Variants in NKAIN3 observed in about 807,000 individuals in gnomAD.
NKAIN3 encodes sodium/potassium-transporting ATPase subunit beta-1-interacting protein 3.
A neutral mutation model predicts 30.2 loss-of-function variants in NKAIN3; 25 were observed. The ratio of observed to expected loss-of-function variants is 0.83; its 90% CI spans 0.60 to 1.16. NKAIN3 has a LOEUF of 1.16. NKAIN3 is among the 50% of genes most tolerant of loss of function. The pLI, the probability that NKAIN3 is intolerant of heterozygous loss-of-function variation, is 0.00. For missense variants in NKAIN3, 225 were observed against 254.1 expected (o/e 0.89, Z 0.78); for synonymous variants, 91 against 89.6 (o/e 1.02, Z -0.09).
chr8:62,262,889 T>C (rs964686383), intron 1 of NKAIN3, among the ~76,000 whole-genome samples: 1 of 152,200 alleles, frequency 6.6e-6, no homozygotes, highest in African/African-American at 2.4e-5. Flanking sequence ...CTACTAATGA[T>C]ACATTTATTA....
chr8:62,915,890 A>C (rs1397491181), intron 4 of NKAIN3, among the ~76,000 whole-genome samples: 1 of 152,236 alleles, frequency 6.6e-6, no homozygotes, highest in Non-Finnish European at 1.5e-5. Flanking sequence ...ATAAATGAGC[A>C]AAAAACCTCT....
intron 1 of NKAIN3, among the ~76,000 whole-genome samples, chr8:62,322,525 C>T (rs1166130161): frequency 6.6e-6 from 1 of 152,128 alleles, no homozygotes; most frequent in African/African-American, 2.4e-5. Context: ...GTATATAATG[C>T]AGTATTCCAA....
intron 1 of NKAIN3, among the ~76,000 whole-genome samples, chr8:62,470,661 A>G (rs1198171649): frequency 6.6e-6 from 1 of 152,140 alleles, no homozygotes; most frequent in Non-Finnish European, 1.5e-5. Context: ...GAAAATACTG[A>G]AACATTGTTT....
Position 62,293,277 on chromosome 8 carries a change from C to G in NKAIN3, c.54+44150C>G, listed in dbSNP as rs894436199. On this transcript the variant is annotated intron_variant, in intron 1 of 6. Coordinates refer to ENST00000623646, the MANE Select transcript of NKAIN3 (RefSeq NM_001304533.3). ...CCGTCCAGCTTTGTTCCGTTGCTGG[C>G]GAGGAGCTGCGTTCCTTTGGAGGAG... Among the ~76,000 whole-genome samples the G allele has an allele frequency of 2.6e-5, 4 of 152,196 alleles. No individual in the cohort carries two copies. In the East Asian group the frequency reaches 7.7e-4, roughly 29 times the overall value.
chr8:62,383,956 C>G (rs1398410789), intron 1 of NKAIN3, among the ~76,000 whole-genome samples: 1 of 151,674 alleles, frequency 6.6e-6, no homozygotes, highest in African/African-American at 2.4e-5. Context: ...CATCTGCAAT[C>G]CTGAATCTAT....
chr8:62,954,258 A>G (rs1417104255), intron 6 of NKAIN3, among the ~76,000 whole-genome samples: 2 of 152,152 alleles, frequency 1.3e-5, no homozygotes, highest in African/African-American at 4.8e-5. Context: ...TTTAATCTGC[A>G]GAAGTAAAGA....
At chr8:62,345,350 T>C (rs1182968964) in intron 1 of NKAIN3, among the ~76,000 whole-genome samples, 1 of 12,204 alleles carries the variant, frequency 8.2e-5, no homozygotes, top group African/African-American at 1.4e-4. Flanking sequence ...TATACACACA[T>C]ATACACATAT....
chr8:62,351,457 G>A (rs1389296758), intron 1 of NKAIN3, among the ~76,000 whole-genome samples: 7 of 149,414 alleles, frequency 4.7e-5, no homozygotes, highest in Non-Finnish European at 4.4e-5. Context: ...TCACAGATGT[G>A]GAACCTGTAG....
At chr8:62,741,115 G>A (rs549701713) in intron 3 of NKAIN3, among the ~76,000 whole-genome samples, 26 of 151,524 alleles carry the variant, frequency 1.7e-4, no homozygotes, top group African/African-American at 4.6e-4. Context: ...TCTTGGAATT[G>A]CATTTTGTAA....
At chr8:62,920,903 T>C (rs935293656) in intron 5 of NKAIN3, among the ~76,000 whole-genome samples, 5 of 152,176 alleles carry the variant, frequency 3.3e-5, no homozygotes, top group Non-Finnish European at 7.4e-5. Context: ...AAATATTTGA[T>C]AGTTCTCAAA....
intron 1 of NKAIN3, among the ~76,000 whole-genome samples, chr8:62,272,589 C>T (rs1812812698): frequency 6.6e-6 from 1 of 152,118 alleles, no homozygotes; most frequent in African/African-American, 2.4e-5. Context: ...TCAGTACCAG[C>T]TTTGTCCTTC....
chr8:62,951,486 T>A (rs1296546467), intron 5 of NKAIN3, among the ~76,000 whole-genome samples: 1 of 152,182 alleles, frequency 6.6e-6, no homozygotes, highest in African/African-American at 2.4e-5. Flanking sequence ...AGGATCTGAG[T>A]TTGTTTCCCA....
rs944958102 is a variant in NKAIN3, at chr8:62,603,384, G to A, written c.273+13590G>A. ...AAAATAAAACTGCACCACATGGTGA[G>A]ATTATGATTGATGAGTATTAAGCTG... On this transcript the variant is annotated intron_variant, in intron 3 of 6. Coordinates refer to ENST00000623646, the MANE Select transcript of NKAIN3 (RefSeq NM_001304533.3). Among the ~76,000 whole-genome samples the A allele has an allele frequency of 3.9e-5, 6 of 152,248 alleles. No homozygotes were observed. In the East Asian group the frequency reaches 1.2e-3, roughly 29 times the overall value.
chr8:62,263,333 A>G (rs1239826057), intron 1 of NKAIN3, among the ~76,000 whole-genome samples: 1 of 152,098 alleles, frequency 6.6e-6, no homozygotes, highest in Non-Finnish European at 1.5e-5. Flanking sequence ...GTCAATATGT[A>G]GTTTGCTTTA....
intron 3 of NKAIN3, among the ~76,000 whole-genome samples, chr8:62,624,967 A>G (rs1811748377): frequency 6.6e-6 from 1 of 151,868 alleles, no homozygotes; most frequent in Non-Finnish European, 1.5e-5. Context: ...TAGAATTTCC[A>G]TTGCTCTTTT....
At chr8:62,378,077 A>G (rs996117578) in intron 1 of NKAIN3, among the ~76,000 whole-genome samples, 2 of 152,170 alleles carry the variant, frequency 1.3e-5, no homozygotes, top group African/African-American at 4.8e-5. Context: ...TGCTTTGACC[A>G]AAATGCTGAT....
chr8:62,951,532 A>G (rs941940201), intron 5 of NKAIN3, among the ~76,000 whole-genome samples: 2 of 152,152 alleles, frequency 1.3e-5, no homozygotes, highest in Admixed American at 6.5e-5. Context: ...GGCTCACTGC[A>G]ACCTCTGCCT....
chr8:62,777,135 C>T (rs187319676), intron 4 of NKAIN3, among the ~76,000 whole-genome samples: 57 of 152,182 alleles, frequency 3.7e-4, no homozygotes, highest in African/African-American at 1.2e-3. Context: ...TCTTTATCCT[C>T]GACTTTTGGG....
intron 3 of NKAIN3, among the ~76,000 whole-genome samples, chr8:62,724,518 C>T (rs1815194954): frequency 6.6e-6 from 1 of 152,008 alleles, no homozygotes; most frequent in African/African-American, 2.4e-5. Flanking sequence ...TTTACCATCC[C>T]CACTACACCC....
Sources: allele counts gnomAD v4.1 joint callset (sites outside exome capture counted in the v4.1 genomes callset), GRCh38; gene constraint gnomAD v4.1.1; transcripts MANE v1.5; gene names NCBI Gene and HGNC (gene_info 2026-07-23, HGNC 2026-07-21).